Variants in PIBF1 observed in about 807,000 individuals in gnomAD.
PIBF1 encodes progesterone immunomodulatory binding factor 1.
PIBF1 carries 90 observed loss-of-function variants against 112.5 expected under a neutral mutation model. The observed-to-expected ratio is 0.80, with a 90% CI of 0.67 to 0.95. PIBF1 has a LOEUF of 0.95. Among genes scored for constraint, PIBF1 ranks in the 40% least tolerant of loss-of-function variants. The pLI, the probability that PIBF1 is intolerant of heterozygous loss-of-function variation, is 0.00. For missense variants in PIBF1, 915 were observed against 852.3 expected (o/e 1.07, Z -0.92); for synonymous variants, 301 against 288.6 (o/e 1.04, Z -0.44).
chr13:72,939,812 G>A (rs2041965588), intron 14 of PIBF1, among the ~76,000 whole-genome samples: 1 of 152,112 alleles, frequency 6.6e-6, no homozygotes, highest in East Asian at 1.9e-4. Flanking sequence ...TAAGGAATTT[G>A]AGGTTGACTT....
intron 14 of PIBF1, among the ~76,000 whole-genome samples, chr13:72,959,288 G>A (rs1479955810): frequency 1.3e-5 from 2 of 152,092 alleles, no homozygotes; most frequent in Admixed American, 6.6e-5. Context: ...GAGCCACCAC[G>A]CCCAGCCAGA....
intron 17 of PIBF1, among the ~76,000 whole-genome samples, chr13:73,000,773 G>C (rs904770771): frequency 6.6e-6 from 1 of 152,098 alleles, no homozygotes; most frequent in Non-Finnish European, 1.5e-5. Context: ...TTGGTAACCT[G>C]ATTGTGATTT....
At chr13:72,800,439 T>C (rs1383578013) in intron 5 of PIBF1, among the ~76,000 whole-genome samples, 1 of 152,242 alleles carries the variant, frequency 6.6e-6, no homozygotes, top group African/African-American at 2.4e-5. Flanking sequence ...TATTTACTGC[T>C]ATTTATTTGA....
intron 10 of PIBF1, among the ~76,000 whole-genome samples, chr13:72,869,639 TAAAAA>T (rs1223503919): frequency 1.8e-4 from 28 of 151,462 alleles, no homozygotes; most frequent in African/African-American, 6.8e-4. Context: ...AAATAAATAA[TAAAAA>T]AATAAAAAAT....
intron 11 of PIBF1, among the ~76,000 whole-genome samples, chr13:72,903,711 T>A (rs2040585842): frequency 6.6e-6 from 1 of 152,174 alleles, no homozygotes; most frequent in East Asian, 1.9e-4. Context: ...TAGGCAGTGG[T>A]AGGATTTGAA....
chr13:72,940,510 T>G (rs1010515569), intron 14 of PIBF1, among the ~76,000 whole-genome samples: 1 of 152,200 alleles, frequency 6.6e-6, no homozygotes. Context: ...ATTTGAATTT[T>G]CTCATTATAT....
chr13:73,016,445 C>T lies in PIBF1; in HGVS notation c.*526C>T, dbSNP rs1044624611. 1 of 151,912 alleles carries T rather than the reference C, an allele frequency of 6.6e-6. No individual in the cohort carries two copies. The allele number at this position is 151,912 out of a possible 1,614,324, so 9.4% of individuals were successfully genotyped here. On this transcript the variant is annotated 3_prime_UTR_variant, in exon 18 of 18. Coordinates refer to ENST00000326291, the MANE Select transcript of PIBF1 (RefSeq NM_006346.4). ...AAATCTGGCAGAAAGTCTGCTATTC[C>T]ATTGGTAAAGTGAAAATTTGGTGGA...
chr13:72,952,084 G>C lies in PIBF1; in HGVS notation c.1834-13190G>C, dbSNP rs1455051520. On this transcript the variant is annotated intron_variant, in intron 14 of 17. Transcript: ENST00000326291. ...GAGTCTTGCTCTGTTGCCTCGTCTG[G>C]AGTGCGGTGACACAATCGCGGCTCA... Among the ~76,000 whole-genome samples the C allele has an allele frequency of 4.9e-5, 7 of 141,810 alleles. No individual in the cohort carries two copies. In the South Asian group the frequency reaches 1.3e-3, roughly 27 times the overall value. The allele number at this position is 141,810 out of a possible 152,430, so 93.0% of individuals were successfully genotyped here.
intron 1 of PIBF1, 117 bp from the exon 2 acceptor site, chr13:72,783,306 G>A (rs2034397908): frequency 3.5e-6 from 2 of 570,104 alleles, no homozygotes; most frequent in African/African-American, 1.9e-5. Flanking sequence ...TCTAGATTTG[G>A]GATGCACTAA....
At chr13:72,991,278 G>A (rs1404376556) in intron 16 of PIBF1, among the ~76,000 whole-genome samples, 1 of 118,434 alleles carries the variant, frequency 8.4e-6, no homozygotes, top group Non-Finnish European at 1.5e-5. Flanking sequence ...TGTTTATGCA[G>A]TCGTCATCAT....
chr13:72,990,833 G>A (rs1237249002), intron 16 of PIBF1, among the ~76,000 whole-genome samples: 1 of 152,206 alleles, frequency 6.6e-6, no homozygotes, highest in Non-Finnish European at 1.5e-5. Context: ...GAGTGACAGA[G>A]CGAGACTCCA....
chr13:72,901,659 T>C (rs1469986047), intron 11 of PIBF1, among the ~76,000 whole-genome samples: 1 of 151,196 alleles, frequency 6.6e-6, no homozygotes, highest in Non-Finnish European at 1.5e-5. Context: ...CACTCCAGCC[T>C]GGGTGACAAG....
chr13:72,927,316 A>G (rs557809382), intron 13 of PIBF1, among the ~76,000 whole-genome samples: 1 of 152,230 alleles, frequency 6.6e-6, no homozygotes, highest in South Asian at 2.1e-4. Flanking sequence ...CCATCTGGCT[A>G]ACATGGTGAA....
intron 6 of PIBF1, among the ~76,000 whole-genome samples, chr13:72,823,913 G>T (rs1026345859): frequency 1.3e-5 from 2 of 152,094 alleles, no homozygotes; most frequent in African/African-American, 4.8e-5. Context: ...TGGGTGCTAT[G>T]GTCATGGCTA....
Position 72,893,784 on chromosome 13 carries a change from G to T in PIBF1, c.1323G>T (p.Arg441Ser), listed in dbSNP as rs752081525. The part of the protein sequence containing the change: ...ALEKHDQLLD[R>S]YRELQLSTES... ...GTCATAACCATTCTGCTTCTTTCAG[G>T]TACAGAGAACTACAACTTAGTACAG... The change falls in exon 11 of 18, where the codon AGG (arginine) becomes AGT (serine). Residue 441 changes from arginine to serine, a missense_variant and splice_region_variant. Coordinates refer to ENST00000326291, the MANE Select transcript of PIBF1 (RefSeq NM_006346.4). The T allele has an allele frequency of 1.9e-5, 29 of 1,566,390 alleles. No individual in the cohort carries two copies. In the Admixed American group the frequency reaches 5.2e-4, roughly 28 times the overall value.
intron 10 of PIBF1, among the ~76,000 whole-genome samples, chr13:72,863,339 A>C (rs2038776586): frequency 6.6e-6 from 1 of 152,166 alleles, no homozygotes; most frequent in Admixed American, 6.5e-5. Flanking sequence ...TTAAAAAATA[A>C]AATTTTTTCC....
At chr13:72,915,293 T>G (rs1459657342) in intron 12 of PIBF1, among the ~76,000 whole-genome samples, 1 of 152,128 alleles carries the variant, frequency 6.6e-6, no homozygotes, top group East Asian at 1.9e-4. Context: ...ACCCTATACC[T>G]TGTAGCATGG....
intron 14 of PIBF1, among the ~76,000 whole-genome samples, chr13:72,933,385 G>T (rs957723253): frequency 1.3e-5 from 2 of 152,186 alleles, no homozygotes; most frequent in African/African-American, 4.8e-5. Flanking sequence ...AAAGAAGCCG[G>T]GTGCACTGGC....
At chr13:72,953,997 T>C (rs2042373548) in intron 14 of PIBF1, among the ~76,000 whole-genome samples, 1 of 151,922 alleles carries the variant, frequency 6.6e-6, no homozygotes, top group Non-Finnish European at 1.5e-5. Flanking sequence ...TCACTCAGGC[T>C]CTCCAGGTAC....
Sources: gnomAD v4.1 joint callset for allele counts (sites outside exome capture counted in the v4.1 genomes callset) on GRCh38, gnomAD v4.1.1 for gene constraint, MANE v1.5 for transcripts, NCBI Gene and HGNC (gene_info 2026-07-23, HGNC 2026-07-21) for gene names.